SEC16B: variants seen among roughly 807,000 people sequenced by gnomAD.
SEC16B encodes protein transport protein Sec16B.
SEC16B carries 115 observed loss-of-function variants against 141.8 expected under a neutral mutation model. That is an observed-to-expected ratio of 0.81 (90% CI 0.70 to 0.95). SEC16B has a LOEUF of 0.95. Ranked by LOEUF, SEC16B falls within the 40% of genes least tolerant of loss-of-function variation. The pLI is 0.00. For synonymous variants in SEC16B, 493 were observed against 492.5 expected, an observed-to-expected ratio of 1.00 and a Z score of -0.01; for missense variants, 1,291 against 1,312.3, an observed-to-expected ratio of 0.98 and a Z score of 0.25.
intron 3 of SEC16B, 99 bp downstream of exon 3, chr1:177,965,794 G>A: frequency 3.0e-6 from 2 of 663,020 alleles, no homozygotes; most frequent in Non-Finnish European, 5.2e-6. Context: ...GGATGCCCAA[G>A]GTGAGGGTCT....
Position 177,937,378 on chromosome 1 carries a change from G to A in SEC16B, c.2339C>T (p.Pro780Leu), listed in dbSNP as rs377507886. 22 of 1,612,630 alleles carry A rather than the reference G, an allele frequency of 1.4e-5. No homozygotes were observed. Among genetic ancestry groups the A allele is most frequent in the East Asian group, 2.2e-5 (1 of 44,868 alleles). ...PSPQQPFPLQ[P>L]GSYPAGGGAG... is the part of the protein sequence containing the mutation. ...ACCCCCTCCTGCTGGGTAGGAGCCCGGCTGGAGGGGAAAGGGCTGCTGTGG... is the reference window on the plus strand; with the variant it reads ...ACCCCCTCCTGCTGGGTAGGAGCCCAGCTGGAGGGGAAAGGGCTGCTGTGG... The change falls in exon 19 of 26, where the codon CCG becomes CTG. Residue 780 changes from proline to leucine, a missense_variant. Around this residue, in one of 3 missense-constraint regions of SEC16B, gnomAD observed 605 missense variants for 614.1 expected, o/e 0.99. Coordinates refer to ENST00000308284, the MANE Select transcript of SEC16B (RefSeq NM_033127.4).
In SEC16B at chr1:177,929,751, CA is replaced by C; in HGVS notation, c.*106del. The C allele has an allele frequency of 7.7e-7, 1 of 1,295,664 alleles. No individual in the cohort carries two copies. Among genetic ancestry groups the C allele is most frequent in the Non-Finnish European group, 1.1e-6 (1 of 913,166 alleles). 80.3% of individuals were successfully genotyped at this position (1,295,664 alleles called of 1,614,324 possible). ...GCCCGGTGGAGGCATCGGGCTAGCA[CA>C]AACCTCTTGAGGGTCCCAATATGGT... On this transcript the variant is annotated 3_prime_UTR_variant, in exon 26 of 26. Coordinates refer to ENST00000308284, the MANE Select transcript of SEC16B (RefSeq NM_033127.4).
chr1:177,952,041 C>A, intron 11 of SEC16B, 46 bp from the exon 12 acceptor site: 1 of 1,511,904 alleles, frequency 6.6e-7, no homozygotes, highest in South Asian at 1.2e-5. Context: ...CAGGGAACCT[C>A]TTTACCCATT....
chr1:177,948,322 C>A, intron 12 of SEC16B: 1 of 1,289,896 alleles, frequency 7.8e-7, no homozygotes, highest in South Asian at 1.3e-5. Context: ...ACATCCTTGG[C>A]TTATGAGTAG....
rs1361883361 is a variant in SEC16B at position 177,934,156 on chromosome 1, G to A, written c.2572-520C>T. Among the ~76,000 whole-genome samples the A allele has an allele frequency of 2.0e-5, 3 of 151,660 alleles. No homozygotes were observed. The South Asian group carries it at 6.2e-4, about 31-fold the overall frequency. On this transcript the variant is annotated intron_variant, in intron 20 of 25. Coordinates refer to ENST00000308284, the MANE Select transcript of SEC16B (RefSeq NM_033127.4). ...TTAACTTTTTTTTTTTTTGTGGTAAGATAGATACAGGATAAAGCTTGCCAT... is the reference window on the plus strand; with the variant it reads ...TTAACTTTTTTTTTTTTTGTGGTAAAATAGATACAGGATAAAGCTTGCCAT...
rs370254756 is a variant in SEC16B at position 177,929,742 on chromosome 1, G to C, written c.*116C>G. 4.5e-6 allele frequency: 5 copies of C among 1,106,318 alleles called. No individual in the cohort carries two copies. The African/African-American group carries it at 7.7e-5, about 17-fold the overall frequency. 68.5% of individuals were successfully genotyped at this position (1,106,318 alleles called of 1,614,324 possible). A position where few individuals can be genotyped will look rare whatever the true frequency, so the allele number is the denominator to read the frequency against. Reference sequence around the variant, plus strand: ...CTTCTAAGTGCCCGGTGGAGGCATCGGGCTAGCACAAACCTCTTGAGGGTC... The same window carrying C: ...CTTCTAAGTGCCCGGTGGAGGCATCCGGCTAGCACAAACCTCTTGAGGGTC... On this transcript the variant is annotated 3_prime_UTR_variant, in exon 26 of 26. Transcript: ENST00000308284.
At chr1:177,968,134 T>G in intron 1 of SEC16B, 95 bp from the exon 2 acceptor site, 1 of 665,116 alleles carries the variant, frequency 1.5e-6, no homozygotes, top group Non-Finnish European at 2.4e-6. Flanking sequence ...GCTATGGTCC[T>G]CGAAATATAT....
At chr1:177,956,802 A>G (rs1292091856) in intron 10 of SEC16B, among the ~76,000 whole-genome samples, 1 of 152,228 alleles carries the variant, frequency 6.6e-6, no homozygotes, top group Non-Finnish European at 1.5e-5. Context: ...CACTTTCAGT[A>G]GCATATTCAA....
rs763851953 is a variant in SEC16B at position 177,941,972 on chromosome 1, G to A, written c.1950C>T (p.Cys650=). ...YGLVSQALHY[C]EAIGAAVLSQ... ...TCAAGACAGCTGCACCAATGGCTTCGCAGTAATGCAAAGCCTGGGACACGA... is the reference window on the plus strand; with the variant it reads ...TCAAGACAGCTGCACCAATGGCTTCACAGTAATGCAAAGCCTGGGACACGA... Residue 650 remains cysteine, a synonymous_variant, in exon 16 of 26, where the codon TGC becomes TGT. Coordinates refer to ENST00000308284, the MANE Select transcript of SEC16B (RefSeq NM_033127.4). 3.8e-5 allele frequency: 61 copies of A among 1,614,004 alleles called. No individual in the cohort carries two copies. Among genetic ancestry groups the A allele is most frequent in the African/African-American group, 5.3e-5 (4 of 75,048 alleles).
chr1:177,939,083 G>A (rs1651081343), intron 18 of SEC16B, among the ~76,000 whole-genome samples: 1 of 152,188 alleles, frequency 6.6e-6, no homozygotes, highest in Admixed American at 6.5e-5. Context: ...GGCCTGCCCT[G>A]CCCACCCTTC....
At chr1:177,980,943 A>G (rs1045118762) in intron 1 of SEC16B, among the ~76,000 whole-genome samples, 2 of 152,142 alleles carry the variant, frequency 1.3e-5, no homozygotes, top group Non-Finnish European at 2.9e-5. Flanking sequence ...TTGCAGCATC[A>G]TAATGGGTTT....
intron 1 of SEC16B, among the ~76,000 whole-genome samples, chr1:177,969,594 C>T (rs937312237): frequency 3.9e-5 from 6 of 152,306 alleles, no homozygotes; most frequent in Middle Eastern, 3.4e-3. Flanking sequence ...TTAGGCAGCC[C>T]TTTCCCAACT....
intron 12 of SEC16B, among the ~76,000 whole-genome samples, chr1:177,950,183 T>C (rs1652060458): frequency 6.6e-6 from 1 of 152,206 alleles, no homozygotes; most frequent in South Asian, 2.1e-4. Context: ...TGAGGTCGAT[T>C]TTTATTTAAA....
At chr1:177,970,980 T>C (rs1430557600), upstream of SEC16B, among the ~76,000 whole-genome samples, 1 of 152,106 alleles carries the variant, frequency 6.6e-6, no homozygotes, top group African/African-American at 2.4e-5. Context: ...CTCATGGTCA[T>C]ATAGGGTCAT....
chr1:177,936,598 G>C (rs866010461), intron 19 of SEC16B, among the ~76,000 whole-genome samples: 3 of 152,122 alleles, frequency 2.0e-5, no homozygotes, highest in Middle Eastern at 3.2e-3. Flanking sequence ...CACTCTTCAG[G>C]AATCTTGGAA....
upstream of SEC16B, chr1:177,970,068 G>C (rs1315993275): frequency 1.3e-5 from 2 of 152,326 alleles, no homozygotes; most frequent in African/African-American, 4.8e-5. Context: ...TGATTCATTA[G>C]GGCAAAGTAC....
intron 2 of SEC16B, among the ~76,000 whole-genome samples, chr1:177,966,314 C>T (rs1653516643): frequency 6.6e-6 from 1 of 152,158 alleles, no homozygotes; most frequent in Non-Finnish European, 1.5e-5. Context: ...CAAACACATA[C>T]ATATTATCTT....
chr1:177,960,612 A>T, intron 7 of SEC16B, 179 bp downstream of exon 7: 1 of 714,698 alleles, frequency 1.4e-6, no homozygotes, highest in Non-Finnish European at 2.3e-6. Flanking sequence ...ATTCTTTCAG[A>T]GAAGAGCCCC....
rs1652770002 is a variant in SEC16B, at chr1:177,958,159, A to G, written c.1338T>C (p.Thr446=). 1 of 1,550,254 alleles carries G rather than the reference A, an allele frequency of 6.5e-7. No homozygotes were observed. The highest frequency in any genetic ancestry group is 2.3e-5 in the East Asian group (1 of 42,858). ...ETPAQIVEKF[T]RLLYYGRKKE... is the part of the protein sequence containing the mutation. ...TCTTCCTTCCATAGTAGAGCAGCCTAGTGAATTTCTCCACGATCTGCGCAG... is the reference window on the plus strand; with the variant it reads ...TCTTCCTTCCATAGTAGAGCAGCCTGGTGAATTTCTCCACGATCTGCGCAG... Residue 446 remains threonine (T), a synonymous_variant, in exon 10 of 26, where the codon ACT becomes ACC. Transcript: ENST00000308284.
Sources: gnomAD v4.1 joint callset for allele counts (sites outside exome capture counted in the v4.1 genomes callset) on GRCh38, gnomAD v4.1.1 for gene constraint, gnomAD v4.1.1 regional missense constraint, MANE v1.5 for transcripts, NCBI Gene and HGNC (gene_info 2026-07-23, HGNC 2026-07-21) for gene names.